Variants in CCAR1 observed in about 807,000 individuals in gnomAD.
The protein encoded by CCAR1 is cell division cycle and apoptosis regulator protein 1.
Under a neutral mutation model 163.8 loss-of-function variants are expected in CCAR1, and 78 were observed. That is an observed-to-expected ratio of 0.48 (90% CI 0.40 to 0.57). CCAR1 has a LOEUF of 0.57. Ranked by LOEUF, CCAR1 falls within the 20% of genes least tolerant of loss-of-function variation. CCAR1 has a pLI of 0.00. For synonymous variants in CCAR1, 443 were observed against 460.7 expected, an observed-to-expected ratio of 0.96 and a Z score of 0.49; for missense variants, 1,019 against 1,365.2, an observed-to-expected ratio of 0.75 and a Z score of 4.00.
intron 6 of CCAR1, among the ~76,000 whole-genome samples, chr10:68,744,415 A>G (rs752133765): frequency 2.0e-5 from 3 of 152,170 alleles, no homozygotes; most frequent in Non-Finnish European, 2.9e-5. Flanking sequence ...GCTTGAGGCT[A>G]GGAGTTCCAG....
intron 16 of CCAR1, among the ~76,000 whole-genome samples, chr10:68,762,057 C>T (rs572122866): frequency 3.3e-5 from 5 of 151,864 alleles, no homozygotes; most frequent in African/African-American, 1.2e-4. Context: ...AGGCCGGGAG[C>T]GGTGGCTCAT....
intron 16 of CCAR1, 69 bp downstream of exon 16, chr10:68,761,261 T>A: frequency 1.4e-6 from 1 of 738,988 alleles, no homozygotes; most frequent in Non-Finnish European, 2.0e-6. Flanking sequence ...TTGGAATACG[T>A]GAGTTAAGAT....
intron 15 of CCAR1, 138 bp downstream of exon 15, chr10:68,757,515 G>A (rs887306677): frequency 1.5e-5 from 7 of 481,310 alleles, no homozygotes; most frequent in Non-Finnish European, 2.6e-5. Context: ...CCTGGGTTCA[G>A]TAGATTCTCT....
At chr10:68,741,204 C>T (rs1029110237) in intron 5 of CCAR1, among the ~76,000 whole-genome samples, 8 of 152,246 alleles carry the variant, frequency 5.3e-5, no homozygotes, top group Admixed American at 2.6e-4. Context: ...AGGTGCGAGC[C>T]ACCATGCCCG....
chr10:68,754,188 GT>G, intron 11 of CCAR1, 111 bp downstream of exon 11: 3 of 673,930 alleles, frequency 4.5e-6, no homozygotes, highest in Non-Finnish European at 7.3e-6. Flanking sequence ...CCGAATACCT[GT>G]TTTCTTCTTA....
intron 17 of CCAR1, 132 bp downstream of exon 17, chr10:68,766,211 GT>G (rs895062708): frequency 1.7e-4 from 102 of 607,188 alleles, no homozygotes; most frequent in South Asian, 4.0e-4. Context: ...TTTTGTTTTT[GT>G]TTTTTTTTGA....
rs1479317119 is a variant in CCAR1, at chr10:68,758,606, TAC to T, written c.1920+1230_1920+1231del. Among the ~76,000 whole-genome samples the T allele has an allele frequency of 1.9e-3, 267 of 137,274 alleles. 2 individuals carry two copies. The highest frequency in any genetic ancestry group is 2.9e-3 in the Non-Finnish European group (190 of 64,746). 90.1% of individuals were successfully genotyped at this position (137,274 alleles called of 152,430 possible). ...GTATATATGTACACACACATATATA[TAC>T]GTGTGTGTATATATATATATATGTA... is the stretch of plus-strand genomic sequence containing the variant. On this transcript the variant is annotated intron_variant, in intron 15 of 24. Transcript: ENST00000265872.
Position 68,773,915 on chromosome 10 carries a change from C to T in CCAR1, c.2650+816C>T, listed in dbSNP as rs1348937879. ...TTTTTTTTGTTGTTTTTTTTTCAGA[C>T]GGAGTCTTGCTCTGTTGCCCAGGCT... On this transcript the variant is annotated intron_variant, in intron 19 of 24. Coordinates refer to ENST00000265872, the MANE Select transcript of CCAR1 (RefSeq NM_018237.4). Among the ~76,000 whole-genome samples, 5 of 150,934 alleles carry T rather than the reference C, an allele frequency of 3.3e-5. No individual in the cohort carries two copies. The East Asian group carries it at 7.9e-4, about 24-fold the overall frequency.
intron 1 of CCAR1, 112 bp from the exon 2 acceptor site, chr10:68,722,342 CT>C (rs2055871114): frequency 3.1e-6 from 2 of 639,638 alleles, no homozygotes; most frequent in Admixed American, 4.9e-5. Context: ...GTTATTTCTG[CT>C]GAAATCTGCG....
chr10:68,767,953 TA>T (rs2056555938), intron 17 of CCAR1, among the ~76,000 whole-genome samples: 1 of 152,246 alleles, frequency 6.6e-6, no homozygotes, highest in Non-Finnish European at 1.5e-5. Flanking sequence ...TCCAACATAT[TA>T]ATTTTGTAGT....
chr10:68,764,826 T>C (rs1014887508), intron 16 of CCAR1, among the ~76,000 whole-genome samples: 1 of 152,202 alleles, frequency 6.6e-6, no homozygotes, highest in African/African-American at 2.4e-5. Flanking sequence ...AAAATAGTAA[T>C]TTAAAATTTT....
At chr10:68,762,084 C>T (rs1436163207) in intron 16 of CCAR1, among the ~76,000 whole-genome samples, 2 of 151,810 alleles carry the variant, frequency 1.3e-5, no homozygotes, top group African/African-American at 4.8e-5. Context: ...AATCCCAGCA[C>T]TTTGGGAGGC....
intron 15 of CCAR1, 99 bp downstream of exon 15, chr10:68,757,476 G>A (rs752291145): frequency 1.6e-5 from 10 of 620,224 alleles, no homozygotes; most frequent in Non-Finnish European, 2.8e-5. Context: ...GTGTAGTGGC[G>A]CGATCTCGGC....
chr10:68,725,230 G>A (rs201199238), intron 2 of CCAR1, among the ~76,000 whole-genome samples: 2 of 151,818 alleles, frequency 1.3e-5, no homozygotes, highest in South Asian at 2.1e-4. Context: ...TTTGGGAGGC[G>A]GAGGTGGGCA....
chr10:68,766,273 G>A (rs1266344503), intron 17 of CCAR1, among the ~76,000 whole-genome samples, 194 bp downstream of exon 17: 1 of 151,938 alleles, frequency 6.6e-6, no homozygotes, highest in Non-Finnish European at 1.5e-5. Context: ...CATGATGGTG[G>A]CTCACTGCAA....
chr10:68,727,077 T>G (rs2055959147), intron 2 of CCAR1, among the ~76,000 whole-genome samples: 1 of 148,118 alleles, frequency 6.8e-6, no homozygotes, highest in Non-Finnish European at 1.5e-5. Flanking sequence ...TTTTTTTGTT[T>G]TTTTTTTTTT....
chr10:68,724,878 C>T (rs551834828), intron 2 of CCAR1, among the ~76,000 whole-genome samples: 1 of 152,192 alleles, frequency 6.6e-6, no homozygotes, highest in African/African-American at 2.4e-5. Flanking sequence ...GTGGCTCACT[C>T]CTGTAATCCC....
intron 2 of CCAR1, among the ~76,000 whole-genome samples, chr10:68,727,649 T>C (rs777344664): frequency 5.3e-5 from 8 of 152,148 alleles, no homozygotes; most frequent in South Asian, 2.1e-4. Flanking sequence ...TTCCATATCC[T>C]ACCTGAAGTG....
At chr10:68,753,195 G>A (rs1198992470) in intron 10 of CCAR1, among the ~76,000 whole-genome samples, 1 of 150,878 alleles carries the variant, frequency 6.6e-6, no homozygotes, top group Non-Finnish European at 1.5e-5. Context: ...CTACTTCTTA[G>A]GAAAAAGGAA....
Sources: allele counts gnomAD v4.1 joint callset (sites outside exome capture counted in the v4.1 genomes callset), GRCh38; gene constraint gnomAD v4.1.1; transcripts MANE v1.5; gene names NCBI Gene and HGNC (gene_info 2026-07-23, HGNC 2026-07-21).